Variants in HEATR5B observed in about 807,000 individuals in gnomAD.
HEATR5B encodes HEAT repeat containing 5B, also known as HEAT repeat-containing protein 5B.
Under a neutral mutation model 224.1 loss-of-function variants are expected in HEATR5B, and 156 were observed. The observed-to-expected ratio is 0.70, with a 90% CI of 0.61 to 0.80. The LOEUF (loss-of-function observed/expected upper bound fraction) is 0.80, where lower values mean the gene tolerates loss of function less well. Ranked by LOEUF, HEATR5B falls within the 30% of genes least tolerant of loss-of-function variation. The pLI is 0.00. For missense variants in HEATR5B, 2,323 were observed against 2,535.5 expected, an observed-to-expected ratio of 0.92 and a Z score of 1.80; for synonymous variants, 1,027 against 893.0, an observed-to-expected ratio of 1.15 and a Z score of -2.68.
intron 35 of HEATR5B, among the ~76,000 whole-genome samples, chr2:36,984,215 A>AAATAT: frequency 9.0e-5 from 7 of 77,638 alleles, no homozygotes; most frequent in African/African-American, 3.5e-4. Flanking sequence ...AAAAAAAAAA[A>AAATAT]ATATATATAT....
intron 20 of HEATR5B, among the ~76,000 whole-genome samples, chr2:37,039,321 C>A (rs960118682): frequency 6.6e-6 from 1 of 152,024 alleles, no homozygotes; most frequent in Non-Finnish European, 1.5e-5. Context: ...AACAAATTAG[C>A]TGGGTGTAGT....
chr2:37,064,311 A>G (rs1254449739), intron 10 of HEATR5B, among the ~76,000 whole-genome samples: 1 of 121,974 alleles, frequency 8.2e-6, no homozygotes, highest in Non-Finnish European at 1.7e-5. Flanking sequence ...GAGACAGGGT[A>G]GGTCTTGGTC....
chr2:37,031,518 C>T (rs1669133784), intron 22 of HEATR5B, among the ~76,000 whole-genome samples: 1 of 149,624 alleles, frequency 6.7e-6, no homozygotes, highest in Non-Finnish European at 1.5e-5. Flanking sequence ...TGATCTGTCT[C>T]AGCCTTCCAA....
At chr2:37,051,004 C>A (rs1333624100) in intron 17 of HEATR5B, among the ~76,000 whole-genome samples, 2 of 152,132 alleles carry the variant, frequency 1.3e-5, no homozygotes, top group African/African-American at 4.8e-5. Flanking sequence ...CAACATCACA[C>A]CACTGCACTC....
rs368539326 is a variant in HEATR5B, at chr2:37,002,460, G to T, written c.5163C>A (p.Phe1721Leu). ...GATGTGGCATATGCCGTACTAAAAT[G>T]AACATCAGCAGCTCCATAGTTGCAA... ...LVFATMELLM[F>L]ILVRHMPHLS... Residue 1721 changes from phenylalanine (F) to leucine (L), a missense_variant, in exon 32 of 36, where the codon TTC becomes TTA. Phe to Leu is a conservative substitution (Grantham distance 22, BLOSUM62 0). This residue lies in a region of HEATR5B where 844 missense variants were observed against 812.9 expected (regional missense o/e 1.04). Coordinates refer to ENST00000233099, the MANE Select transcript of HEATR5B (RefSeq NM_019024.3). The T allele has an allele frequency of 1.2e-6, 2 of 1,614,082 alleles. No homozygotes were observed. The highest frequency in any genetic ancestry group is 1.7e-6 in the Non-Finnish European group (2 of 1,180,046).
chr2:37,078,011 T>A (rs929730675), intron 3 of HEATR5B, among the ~76,000 whole-genome samples: 1 of 152,188 alleles, frequency 6.6e-6, no homozygotes, highest in Non-Finnish European at 1.5e-5. Context: ...TGGGTTTAGC[T>A]TAAAGGCAAA....
rs776865735 is a variant in HEATR5B at position 37,019,762 on chromosome 2, A to G, written c.4104+47T>C. On this transcript the variant is annotated intron_variant, in intron 26 of 35. Coordinates refer to ENST00000233099, the MANE Select transcript of HEATR5B (RefSeq NM_019024.3). ...ACACAAGTTAAATTCTAAGATATCT[A>G]TGAATGTATAGAAGACAACTATACA... 4.7e-6 allele frequency: 6 copies of G among 1,272,160 alleles called. No individual in the cohort carries two copies. The African/African-American group carries it at 7.5e-5, about 16-fold the overall frequency. The allele number at this position is 1,272,160 out of a possible 1,614,324, so 78.8% of individuals were successfully genotyped here. A position where few individuals can be genotyped will look rare whatever the true frequency, so the allele number is the denominator to read the frequency against.
chr2:37,043,229 C>G (rs1306095093), intron 18 of HEATR5B, among the ~76,000 whole-genome samples: 1 of 152,150 alleles, frequency 6.6e-6, no homozygotes, highest in Non-Finnish European at 1.5e-5. Context: ...AGAACTGTAA[C>G]AGGAGATGGA....
chr2:37,063,490 G>C (rs1360930052), intron 10 of HEATR5B, among the ~76,000 whole-genome samples: 2 of 152,118 alleles, frequency 1.3e-5, no homozygotes, highest in African/African-American at 4.8e-5. Context: ...AAGGGTCTCT[G>C]GGCAAATGTA....
At position 37,003,576 on chromosome 2, in the gene HEATR5B, A is replaced by C; in HGVS notation, c.5016T>G (p.Ala1672=). ...TGVVQQIVRA[A]QDYLQEKRNT... Reference sequence around the variant, plus strand: ...TTCTTTTCTCTTGCAAATAATCCTGAGCAGCTCTTACTATCTGTTGTACAA... The same window carrying C: ...TTCTTTTCTCTTGCAAATAATCCTGCGCAGCTCTTACTATCTGTTGTACAA... Residue 1672 remains alanine (A), a synonymous_variant, in exon 31 of 36, where the codon GCT becomes GCG. Transcript: ENST00000233099. 1 of 1,611,340 alleles carries C rather than the reference A, an allele frequency of 6.2e-7. No individual in the cohort carries two copies.
chr2:37,040,473 G>C lies in HEATR5B; in HGVS notation c.2902C>G (p.Pro968Ala), dbSNP rs1669801380. 1.2e-6 allele frequency: 2 copies of C among 1,613,258 alleles called. No homozygotes were observed. The highest frequency in any genetic ancestry group is 1.3e-5 in the African/African-American group (1 of 74,858). ...SLALIVDSSG[P>A]MYRGYVEPTL... is the part of the protein sequence containing the mutation. ...GGTTCCACATAGCCACGATACATCGGACCACTAGAATCCACTATCAAAGCA... is the reference window on the plus strand; with the variant it reads ...GGTTCCACATAGCCACGATACATCGCACCACTAGAATCCACTATCAAAGCA... The change falls in exon 20 of 36, where the codon CCG becomes GCG. Residue 968 changes from proline to alanine, a missense_variant. Pro to Ala is a conservative substitution (Grantham distance 27). Coordinates refer to ENST00000233099, the MANE Select transcript of HEATR5B (RefSeq NM_019024.3).
chr2:37,005,898 T>C (rs1667385103), intron 29 of HEATR5B, 139 bp from the exon 30 acceptor site: 1 of 613,098 alleles, frequency 1.6e-6, no homozygotes, highest in Non-Finnish European at 2.6e-6. Context: ...GACTTCAAAA[T>C]GGTTTCCAAG....
Position 36,988,817 on chromosome 2 carries a change from G to A in HEATR5B, c.5740C>T (p.His1914Tyr). 1 of 1,614,096 alleles carries A rather than the reference G, an allele frequency of 6.2e-7. No homozygotes were observed. ...CYQLLLSVFQ[H>Y]SNRALSTPYI... ...GGAGTTGAAAGGGCACGATTGGAAT[G>A]CTGGAAGACTGAGAGGAGAAGCTGG... Residue 1914 changes from histidine (H) to tyrosine (Y), a missense_variant, in exon 35 of 36, where the codon CAT (histidine) becomes TAT (tyrosine). Transcript: ENST00000233099.
intron 35 of HEATR5B, among the ~76,000 whole-genome samples, chr2:36,986,193 T>C (rs1665938096): frequency 6.6e-6 from 1 of 152,228 alleles, no homozygotes; most frequent in African/African-American, 2.4e-5. Flanking sequence ...ATAAAGTTAT[T>C]TTGATTTGCC....
At chr2:37,001,132 G>GA (rs1418515434) in intron 32 of HEATR5B, among the ~76,000 whole-genome samples, 3 of 152,044 alleles carry the variant, frequency 2.0e-5, no homozygotes, top group Admixed American at 1.3e-4. Context: ...AGAAAAACAG[G>GA]AAAAAACCAC....
chr2:37,005,651 A>T lies in HEATR5B; in HGVS notation c.4886T>A (p.Val1629Asp). ...HTLLDSPYAR[V>D]HIAEDQLIGV... is the part of the protein sequence containing the mutation. ...CTGTACCTGATCTTCTGCAATATGG[A>T]CTCGAGCATAAGGGGAGTCTAGCAA... Residue 1629 changes from valine to aspartate, a missense_variant, in exon 30 of 36, where the codon GTC becomes GAC. Physicochemically the swap from Val to Asp is radical, Grantham distance 152 (BLOSUM62 -3). Coordinates refer to ENST00000233099, the MANE Select transcript of HEATR5B (RefSeq NM_019024.3). The T allele has an allele frequency of 6.2e-7, 1 of 1,613,598 alleles. No individual in the cohort carries two copies.
At position 37,000,688 on chromosome 2, in the gene HEATR5B, T is replaced by C. The variant is rs1667033307; in HGVS notation, c.5443A>G (p.Ile1815Val). 1 of 1,614,086 alleles carries C rather than the reference T, an allele frequency of 6.2e-7. No individual in the cohort carries two copies. The highest frequency in any genetic ancestry group is 8.5e-7 in the Non-Finnish European group (1 of 1,179,916). The change falls in exon 33 of 36, where the codon ATT becomes GTT. Residue 1815 changes from isoleucine (I) to valine (V), a missense_variant. Ile to Val is a conservative substitution (Grantham distance 29). This residue lies in a region of HEATR5B where 844 missense variants were observed against 812.9 expected (regional missense o/e 1.04). Coordinates refer to ENST00000233099, the MANE Select transcript of HEATR5B (RefSeq NM_019024.3). The stretch of plus-strand genomic sequence containing the variant: ...GTTTTGGCCATTGAAAGTGTCACAA[T>C]ACTTTTAATCCCTTGAAGAGCTGCA... ...VSAALQGIKS[I>V]VTLSMAKTEA...
In HEATR5B at chr2:37,019,800, T is replaced by C; in HGVS notation, c.4104+9A>G. The stretch of plus-strand genomic sequence containing the variant: ...AGACAACTATACAAAGTCCCATTTT[T>C]CTTCTTACCTGGCAAGCTTTCGCTA... On this transcript the variant is annotated intron_variant, in intron 26 of 35. Transcript: ENST00000233099. 1 of 1,588,316 alleles carries C rather than the reference T, an allele frequency of 6.3e-7. No homozygotes were observed. The highest frequency in any genetic ancestry group is 8.6e-7 in the Non-Finnish European group (1 of 1,158,306).
rs1269341330 is a variant in HEATR5B, at chr2:37,038,006, G to A, written c.3065C>T (p.Ser1022Phe). 1.9e-6 allele frequency: 3 copies of A among 1,562,560 alleles called. No homozygotes were observed. Among genetic ancestry groups the A allele is most frequent in the Non-Finnish European group, 2.6e-6 (3 of 1,150,894 alleles). ...CACCAAACAAGAGGAACGAATTGTA[G>A]AAGTTGTTGCTCCATTCCCTGGTGC... The part of the protein sequence containing the change: ...PELQGNGATT[S>F]TIRSSCLVGC... Residue 1022 changes from serine (S) to phenylalanine (F), a missense_variant, in exon 21 of 36, where the codon TCT becomes TTT. Ser to Phe is a radical substitution (Grantham distance 155). Transcript: ENST00000233099.
Sources: gnomAD v4.1 joint callset for allele counts (sites outside exome capture counted in the v4.1 genomes callset) on GRCh38, gnomAD v4.1.1 for gene constraint, gnomAD v4.1.1 regional missense constraint, MANE v1.5 for transcripts, NCBI Gene and HGNC (gene_info 2026-07-23, HGNC 2026-07-21) for gene names.